Variants in SGCZ observed in about 807,000 individuals in gnomAD.
SGCZ encodes zeta-sarcoglycan.
Under a neutral mutation model 41.3 loss-of-function variants are expected in SGCZ, and 40 were observed. The observed-to-expected ratio is 0.97, with a 90% CI of 0.75 to 1.26. The LOEUF (loss-of-function observed/expected upper bound fraction) is 1.26. SGCZ is among the 50% of genes most tolerant of loss of function. SGCZ has a pLI of 0.00. For synonymous variants in SGCZ, 206 were observed against 137.5 expected (o/e 1.50, Z -3.49); for missense variants, 552 against 369.8 (o/e 1.49, Z -4.04).
intron 1 of SGCZ, among the ~76,000 whole-genome samples, chr8:14,883,392 T>C (rs1257938079): frequency 2.6e-5 from 4 of 152,136 alleles, no homozygotes; most frequent in Non-Finnish European, 5.9e-5. Flanking sequence ...TGCTCACATA[T>C]CTACTTGTGC....
chr8:14,408,796 T>C (rs1215669785), intron 2 of SGCZ, among the ~76,000 whole-genome samples: 2 of 152,142 alleles, frequency 1.3e-5, no homozygotes, highest in African/African-American at 4.8e-5. Context: ...ATAATTTTTG[T>C]TTGTATTCAG....
At chr8:14,204,689 A>C (rs1431607449) in intron 4 of SGCZ, among the ~76,000 whole-genome samples, 2 of 152,172 alleles carry the variant, frequency 1.3e-5, no homozygotes, top group Non-Finnish European at 2.9e-5. Context: ...CGCTGGGTAG[A>C]ACAAAAAGTT....
chr8:14,238,136 A>T (rs1435754804), intron 3 of SGCZ, among the ~76,000 whole-genome samples: 1 of 152,208 alleles, frequency 6.6e-6, no homozygotes, highest in Non-Finnish European at 1.5e-5. Context: ...TTCAATCCTC[A>T]AACTCCCAAT....
chr8:14,864,164 G>C (rs1450602995), intron 1 of SGCZ, among the ~76,000 whole-genome samples: 1 of 152,116 alleles, frequency 6.6e-6, no homozygotes, highest in African/African-American at 2.4e-5. Flanking sequence ...TTCAGCAATA[G>C]TCACCATGTA....
At chr8:14,789,295 T>C (rs1361892820) in intron 1 of SGCZ, among the ~76,000 whole-genome samples, 1 of 152,202 alleles carries the variant, frequency 6.6e-6, no homozygotes, top group East Asian at 1.9e-4. Context: ...CAAGGTAGAA[T>C]GTCTGCCTCA....
chr8:14,388,839 GA>G (rs57599520), intron 2 of SGCZ, among the ~76,000 whole-genome samples: 46,307 of 140,126 alleles, frequency 0.33, 7,257 homozygotes, highest in Middle Eastern at 0.41. Context: ...TAATAAAAAA[GA>G]AAAAAAAAAA....
chr8:14,795,427 G>T (rs1283246640), intron 1 of SGCZ, among the ~76,000 whole-genome samples: 3 of 123,152 alleles, frequency 2.4e-5, no homozygotes, highest in African/African-American at 7.6e-5. Context: ...CATACTTTGG[G>T]GTTTTTTTTT....
chr8:14,647,446 T>G (rs949555350), intron 1 of SGCZ, among the ~76,000 whole-genome samples: 2 of 152,000 alleles, frequency 1.3e-5, no homozygotes, highest in Admixed American at 1.3e-4. Flanking sequence ...CTAGATTAAT[T>G]GCATTCATAT....
chr8:14,364,899 CTTAT>C (rs1803643744), intron 2 of SGCZ, among the ~76,000 whole-genome samples: 1 of 151,986 alleles, frequency 6.6e-6, no homozygotes, highest in Non-Finnish European at 1.5e-5. Context: ...TCTTCTGAAA[CTTAT>C]TTAAGAAGTT....
chr8:14,817,262 C>T (rs368655818), intron 1 of SGCZ, among the ~76,000 whole-genome samples: 1 of 152,132 alleles, frequency 6.6e-6, no homozygotes, highest in Non-Finnish European at 1.5e-5. Context: ...CTAACAGGAT[C>T]AGCTCAGCAT....
intron 5 of SGCZ, among the ~76,000 whole-genome samples, chr8:14,122,861 T>C (rs955719546): frequency 6.6e-6 from 1 of 152,200 alleles, no homozygotes; most frequent in Admixed American, 6.5e-5. Flanking sequence ...TTTTAAGATA[T>C]TTTCTTTAAA....
At chr8:14,808,876 T>G (rs1287803480) in intron 1 of SGCZ, among the ~76,000 whole-genome samples, 1 of 151,648 alleles carries the variant, frequency 6.6e-6, no homozygotes, top group Non-Finnish European at 1.5e-5. Flanking sequence ...GTGGCACATA[T>G]ACACCATGGA....
intron 4 of SGCZ, among the ~76,000 whole-genome samples, chr8:14,215,540 G>C (rs76755637): frequency 6.6e-6 from 1 of 151,420 alleles, no homozygotes; most frequent in African/African-American, 2.4e-5. Context: ...AGAAAAAATA[G>C]AGAAAAATCA....
At chr8:14,646,873 G>A (rs1163396536) in intron 1 of SGCZ, among the ~76,000 whole-genome samples, 2 of 151,874 alleles carry the variant, frequency 1.3e-5, no homozygotes, top group Non-Finnish European at 1.5e-5. Flanking sequence ...CTTTTCTAAG[G>A]ATTTTTCATT....
intron 1 of SGCZ, among the ~76,000 whole-genome samples, chr8:14,598,862 T>C (rs1805498430): frequency 6.6e-6 from 1 of 152,110 alleles, no homozygotes; most frequent in African/African-American, 2.4e-5. Context: ...CACTCCTATC[T>C]TTCCATTGCA....
intron 1 of SGCZ, among the ~76,000 whole-genome samples, chr8:15,087,044 A>T (rs1173272083): frequency 1.3e-5 from 2 of 152,136 alleles, no homozygotes; most frequent in East Asian, 3.9e-4. Flanking sequence ...TTTAGCTCAC[A>T]TTTGTCCTAA....
At chr8:14,459,277 G>A (rs1392684570) in intron 2 of SGCZ, among the ~76,000 whole-genome samples, 1 of 152,048 alleles carries the variant, frequency 6.6e-6, no homozygotes, top group Non-Finnish European at 1.5e-5. Context: ...TGGGGTAGGG[G>A]GATGGGGGAG....
chr8:14,921,763 T>TA (rs1799594890), intron 1 of SGCZ, among the ~76,000 whole-genome samples: 2 of 152,168 alleles, frequency 1.3e-5, no homozygotes, highest in Admixed American at 1.3e-4. Context: ...CCATAGATTT[T>TA]GTTACAATTT....
intron 1 of SGCZ, among the ~76,000 whole-genome samples, chr8:14,848,576 G>C (rs1264055152): frequency 6.6e-6 from 1 of 152,202 alleles, no homozygotes; most frequent in Non-Finnish European, 1.5e-5. Context: ...TTCTTGCAAA[G>C]ATGCAAAGGT....
Sources: gnomAD v4.1 joint callset for allele counts (sites outside exome capture counted in the v4.1 genomes callset) on GRCh38, gnomAD v4.1.1 for gene constraint, MANE v1.5 for transcripts, NCBI Gene and HGNC (gene_info 2026-07-23, HGNC 2026-07-21) for gene names.